The following NCOR1 variants were observed in gnomAD, a reference collection of about 807,000 sequenced individuals.
NCOR1 encodes the protein protein phosphatase 1, regulatory subunit 109.
NCOR1 carries 63 observed loss-of-function variants against 288.1 expected under a neutral mutation model. The observed-to-expected ratio is 0.22, with a 90% CI of 0.18 to 0.27. NCOR1 has a LOEUF of 0.27. Among genes scored for constraint, NCOR1 ranks in the 10% least tolerant of loss-of-function variants. NCOR1 has a pLI of 1.00. For missense variants in NCOR1, 2,397 were observed against 3,019.2 expected (o/e 0.79, Z 4.83); for synonymous variants, 1,007 against 1,065.9 (o/e 0.94, Z 1.08).
In NCOR1 at chr17:16,139,031, A is replaced by T; in HGVS notation, c.1329T>A (p.His443Gln). ...DRQFMNVWTD[H>Q]EKEIFKDKFI... ...ACTTGTCCTTAAAGATCTCCTTTTC[A>T]TGGTCAGTCCAAACATTCATAAACT... The change falls in exon 12 of 46, where the codon CAT becomes CAA. Residue 443 changes from histidine to glutamine, a missense_variant. This residue lies in a region of NCOR1 where 80 missense variants were observed against 100.3 expected (regional missense o/e 0.80). Transcript: ENST00000268712. 1 of 1,581,618 alleles carries T rather than the reference A, an allele frequency of 6.3e-7. No homozygotes were observed. The highest frequency in any genetic ancestry group is 8.6e-7 in the Non-Finnish European group (1 of 1,162,004).
At chr17:16,151,484 A>G in intron 8 of NCOR1, 1 of 791,606 alleles carries the variant, frequency 1.3e-6, no homozygotes, top group Non-Finnish European at 1.9e-6. Flanking sequence ...AGGATTTTGA[A>G]TAATGATAAA....
intron 3 of NCOR1, among the ~76,000 whole-genome samples, chr17:16,177,460 T>C (rs2084431577): frequency 6.6e-6 from 1 of 152,170 alleles, no homozygotes; most frequent in African/African-American, 2.4e-5. Context: ...TCAGGTACAT[T>C]GTGGCAGCCT....
At chr17:16,171,132 A>C (rs952108732) in intron 4 of NCOR1, among the ~76,000 whole-genome samples, 1 of 152,166 alleles carries the variant, frequency 6.6e-6, no homozygotes, top group Non-Finnish European at 1.5e-5. Flanking sequence ...TATGTTAATT[A>C]GCTTGATGTG....
rs2062345749 is a variant in NCOR1, at chr17:16,075,591, C to A, written c.3613G>T (p.Ala1205Ser). The change falls in exon 27 of 46, where the codon GCA (alanine) becomes TCA (serine). Residue 1205 changes from alanine (A) to serine (S), a missense_variant. By Grantham distance (99) the Ala-to-Ser change is moderately conservative (BLOSUM62 1). Coordinates refer to ENST00000268712, the MANE Select transcript of NCOR1 (RefSeq NM_006311.4). ...SSPEKGREEAASKGHVIYEGK... is the reference protein window; with the variant it reads ...SSPEKGREEASSKGHVIYEGK... ...TCATAAATAACATGGCCTTTGGATG[C>A]AGCTTCCTCTCTGCCTTTCTCAGGA... The A allele has an allele frequency of 1.2e-6, 2 of 1,614,208 alleles. No homozygotes were observed. Among genetic ancestry groups the A allele is most frequent in the East Asian group, 4.5e-5 (2 of 44,890 alleles).
intron 1 of NCOR1, chr17:16,198,861 C>T (rs1265737294): frequency 6.6e-6 from 1 of 152,022 alleles, no homozygotes; most frequent in Non-Finnish European, 1.5e-5. Context: ...ACTCAGATAT[C>T]CCAAATAAAT....
At chr17:16,049,160 A>C (rs1481875587) in intron 40 of NCOR1, 172 bp from the exon 41 acceptor site, 4 of 500,168 alleles carry the variant, frequency 8.0e-6, no homozygotes, top group Non-Finnish European at 1.3e-5. Flanking sequence ...AAAACAAACA[A>C]ACAACAACAA....
chr17:16,062,063 T>TG, intron 36 of NCOR1, 42 bp downstream of exon 36: 1 of 1,605,252 alleles, frequency 6.2e-7, no homozygotes, highest in Non-Finnish European at 8.5e-7. Context: ...AAAATGTATA[T>TG]GCAAGAGACA....
At chr17:16,203,676 C>T (rs1317627218) in intron 1 of NCOR1, among the ~76,000 whole-genome samples, 1 of 152,076 alleles carries the variant, frequency 6.6e-6, no homozygotes, top group African/African-American at 2.4e-5. Context: ...CTGTTTGATT[C>T]TCTACAATAT....
At chr17:16,094,756 G>A (rs1042712881) in intron 21 of NCOR1, among the ~76,000 whole-genome samples, 18 of 152,166 alleles carry the variant, frequency 1.2e-4, no homozygotes, top group African/African-American at 3.4e-4. Flanking sequence ...TGGTGGAGAC[G>A]GGGTTTCGCT....
intron 14 of NCOR1, among the ~76,000 whole-genome samples, chr17:16,127,681 GTGTA>G (rs2153220026): frequency 6.9e-6 from 1 of 145,270 alleles, no homozygotes; most frequent in South Asian, 2.2e-4. Flanking sequence ...ATATGTGTAT[GTGTA>G]TATATACATA....
chr17:16,212,911 AC>A (rs1949191612), intron 1 of NCOR1, among the ~76,000 whole-genome samples: 1 of 151,802 alleles, frequency 6.6e-6, no homozygotes, highest in African/African-American at 2.4e-5. Flanking sequence ...TTCTCTACAA[AC>A]AAAAAAAAAA....
intron 1 of NCOR1, among the ~76,000 whole-genome samples, chr17:16,205,256 A>G (rs545524932): frequency 1.4e-4 from 22 of 152,116 alleles, no homozygotes; most frequent in Admixed American, 1.1e-3. Flanking sequence ...GTGAGTATGT[A>G]GAGAACTTTT....
rs1405506856 is a variant in NCOR1 at position 16,121,282 on chromosome 17, G to A, written c.1635-13C>T. On this transcript the variant is annotated splice_polypyrimidine_tract_variant and intron_variant, in intron 15 of 45. Transcript: ENST00000268712. ...CTTGGTATTTTCTCTGGACACAAAA[G>A]CAAATGAAAACTTGTGTGATTCCAA... 3 of 1,605,998 alleles carry A rather than the reference G, an allele frequency of 1.9e-6. No individual in the cohort carries two copies. The highest frequency in any genetic ancestry group is 2.6e-6 in the Non-Finnish European group (3 of 1,175,938).
rs1487226949 is a variant in NCOR1 at position 16,031,202 on chromosome 17, T to G, written c.*1094A>C. 1 of 199,842 alleles carries G rather than the reference T, an allele frequency of 5.0e-6. No individual in the cohort carries two copies. Among genetic ancestry groups the G allele is most frequent in the Non-Finnish European group, 1.0e-5 (1 of 96,826 alleles). 12.4% of individuals were successfully genotyped at this position (199,842 alleles called of 1,614,324 possible). On this transcript the variant is annotated 3_prime_UTR_variant, in exon 46 of 46. Coordinates refer to ENST00000268712, the MANE Select transcript of NCOR1 (RefSeq NM_006311.4). ...CCCAAGGGAGCAAAGTGAGAGTAAATGCTGGTCCATAGTGATGGGGAAAAA... is the reference window on the plus strand; with the variant it reads ...CCCAAGGGAGCAAAGTGAGAGTAAAGGCTGGTCCATAGTGATGGGGAAAAA...
chr17:16,179,212 G>T (rs2084881495), intron 3 of NCOR1, among the ~76,000 whole-genome samples: 1 of 151,590 alleles, frequency 6.6e-6, no homozygotes, highest in Non-Finnish European at 1.5e-5. Flanking sequence ...AAATCAGAAA[G>T]GAAATTTATA....
chr17:16,083,883 T>C (rs2063792403), intron 23 of NCOR1, among the ~76,000 whole-genome samples: 1 of 151,970 alleles, frequency 6.6e-6, no homozygotes, highest in Non-Finnish European at 1.5e-5. Flanking sequence ...ACATCACCCT[T>C]AAAACATGTT....
chr17:16,150,832 C>G (rs1237060537), intron 8 of NCOR1, among the ~76,000 whole-genome samples: 14 of 152,034 alleles, frequency 9.2e-5, no homozygotes, highest in Non-Finnish European at 1.5e-5. Context: ...TAACTTACTT[C>G]TAAGGGTTCT....
chr17:16,060,093 GC>G (rs2060384820), intron 37 of NCOR1, among the ~76,000 whole-genome samples: 1 of 152,128 alleles, frequency 6.6e-6, no homozygotes, highest in Admixed American at 6.5e-5. Context: ...GCCTTAAGGG[GC>G]AAGACTATGG....
At position 16,101,323 on chromosome 17, in the gene NCOR1, G is replaced by A. The variant is rs1379239899; in HGVS notation, c.2617C>T (p.Pro873Ser). Residue 873 changes from proline (P) to serine (S), a missense_variant, in exon 20 of 46, where the codon CCC becomes TCC. Coordinates refer to ENST00000268712, the MANE Select transcript of NCOR1 (RefSeq NM_006311.4). ...AQQINAQRPE[P>S]QSDNDSSATC... Reference sequence around the variant, plus strand: ...GCACTGGAATCATTGTCTGACTGGGGCTCGGGCCTTTGGGCATTTATTTGC... The same window carrying A: ...GCACTGGAATCATTGTCTGACTGGGACTCGGGCCTTTGGGCATTTATTTGC... 3.7e-6 allele frequency: 6 copies of A among 1,613,900 alleles called. No homozygotes were observed. The African/African-American group carries it at 8.0e-5, about 22-fold the overall frequency.
Sources: allele counts gnomAD v4.1 joint callset (sites outside exome capture counted in the v4.1 genomes callset), GRCh38; gene constraint gnomAD v4.1.1; regional missense constraint gnomAD v4.1.1; transcripts MANE v1.5; gene names NCBI Gene and HGNC (gene_info 2026-07-23, HGNC 2026-07-21).